ANKS1B: variants seen among roughly 807,000 people sequenced by gnomAD.
The protein encoded by ANKS1B is ankyrin repeat and sterile alpha motif domain containing 1B.
A neutral mutation model predicts 148.3 loss-of-function variants in ANKS1B; 36 were observed. The observed-to-expected ratio is 0.24, with a 90% CI of 0.19 to 0.32. ANKS1B has a LOEUF of 0.32. Among genes scored for constraint, ANKS1B ranks in the 10% least tolerant of loss-of-function variants. ANKS1B has a pLI of 1.00. For synonymous variants in ANKS1B, 542 were observed against 560.8 expected, an observed-to-expected ratio of 0.97 and a Z score of 0.47; for missense variants, 1,157 against 1,542.6, an observed-to-expected ratio of 0.75 and a Z score of 4.19.
intron 13 of ANKS1B, 115 bp downstream of exon 13, chr12:99,246,160 C>T (rs902346446): frequency 8.1e-6 from 6 of 736,562 alleles, no homozygotes; most frequent in Middle Eastern, 4.8e-4. Flanking sequence ...CAGTTGGAGC[C>T]GTATGCTTTT....
At chr12:99,894,329 G>GAGGGAGGGAGAGAAAGAAAAGAAAAGA (rs1196013915) in intron 1 of ANKS1B, among the ~76,000 whole-genome samples, 1 of 78,078 alleles carries the variant, frequency 1.3e-5, no homozygotes, top group Non-Finnish European at 2.7e-5. Context: ...GGGAGGGAGG[G>GAGGGAGGGAGAGAAAGAAAAGAAAAGA]AAAGAAAAGA....
chr12:98,919,678 A>C (rs1197279650), intron 17 of ANKS1B, among the ~76,000 whole-genome samples: 2 of 152,124 alleles, frequency 1.3e-5, no homozygotes, highest in African/African-American at 4.8e-5. Context: ...TTTGTGAGGA[A>C]TTTTTCTTTT....
intron 8 of ANKS1B, among the ~76,000 whole-genome samples, chr12:99,753,223 C>T (rs1309885191): frequency 6.6e-6 from 1 of 152,054 alleles, no homozygotes; most frequent in African/African-American, 2.4e-5. Context: ...TAAAGAAAGA[C>T]TTGAACTACA....
intron 9 of ANKS1B, among the ~76,000 whole-genome samples, chr12:99,577,075 G>A (rs2097526318): frequency 6.6e-6 from 1 of 151,878 alleles, no homozygotes; most frequent in Admixed American, 6.6e-5. Flanking sequence ...CAGGAATTTT[G>A]TAGAGGGGAG....
At chr12:99,524,622 C>G (rs1347046649) in intron 9 of ANKS1B, among the ~76,000 whole-genome samples, 1 of 152,108 alleles carries the variant, frequency 6.6e-6, no homozygotes, top group Non-Finnish European at 1.5e-5. Context: ...AAGACATACC[C>G]AAGACTGGGT....
intron 2 of ANKS1B, among the ~76,000 whole-genome samples, chr12:99,820,182 G>A (rs1213527687): frequency 6.6e-6 from 1 of 151,800 alleles, no homozygotes; most frequent in Non-Finnish European, 1.5e-5. Flanking sequence ...AATAACCCAA[G>A]AAATCACCAG....
chr12:99,059,697 G>A (rs1327587368), intron 16 of ANKS1B, among the ~76,000 whole-genome samples: 1 of 149,660 alleles, frequency 6.7e-6, no homozygotes, highest in Non-Finnish European at 1.5e-5. Flanking sequence ...CCTAAATTTT[G>A]CAATTCCATG....
chr12:98,739,889 C>T (rs949756462), downstream of ANKS1B, among the ~76,000 whole-genome samples: 1 of 152,160 alleles, frequency 6.6e-6, no homozygotes, highest in Non-Finnish European at 1.5e-5. Flanking sequence ...TGCTTCTGCT[C>T]CATGGCAGAC....
chr12:99,190,366 A>C (rs1040054289), intron 14 of ANKS1B, among the ~76,000 whole-genome samples: 1 of 152,334 alleles, frequency 6.6e-6, no homozygotes, highest in South Asian at 2.1e-4. Flanking sequence ...TGGAACCAAA[A>C]AAGAGCCCAT....
intron 11 of ANKS1B, among the ~76,000 whole-genome samples, chr12:99,440,970 A>C (rs1404279477): frequency 6.6e-6 from 1 of 151,892 alleles, no homozygotes; most frequent in Non-Finnish European, 1.5e-5. Flanking sequence ...CACATCAGCT[A>C]ATGGTCAAAG....
intron 1 of ANKS1B, among the ~76,000 whole-genome samples, chr12:99,854,572 G>GATC (rs1291600776): frequency 6.6e-6 from 1 of 152,136 alleles, no homozygotes; most frequent in Non-Finnish European, 1.5e-5. Flanking sequence ...ATCGCAAAAA[G>GATC]ATCATCACGT....
chr12:99,126,975 C>A (rs573704179), intron 15 of ANKS1B, among the ~76,000 whole-genome samples: 1 of 151,760 alleles, frequency 6.6e-6, no homozygotes, highest in Non-Finnish European at 1.5e-5. Flanking sequence ...ATGATGGAAA[C>A]CTTGAATTTA....
At chr12:99,624,824 G>C (rs981561399) in intron 9 of ANKS1B, among the ~76,000 whole-genome samples, 1 of 152,004 alleles carries the variant, frequency 6.6e-6, no homozygotes, top group East Asian at 1.9e-4. Flanking sequence ...TGCCACTGTG[G>C]GAAACAGTTG....
At chr12:98,770,662 T>C (rs2153472745) in intron 25 of ANKS1B, among the ~76,000 whole-genome samples, 1 of 152,264 alleles carries the variant, frequency 6.6e-6, no homozygotes, top group East Asian at 1.9e-4. Flanking sequence ...ATTTTCAATC[T>C]TTCTTTAAAA....
rs188428883 is a variant in ANKS1B, at chr12:99,683,101, C to T, written c.1129-27891G>A. Among the ~76,000 whole-genome samples the T allele has an allele frequency of 1.4e-3, 208 of 152,178 alleles. 1 individual carries two copies. Among genetic ancestry groups the T allele is most frequent in the African/African-American group, 4.3e-3 (178 of 41,534 alleles). ...AGGTCTCGTGAGACTTATACACTACCATGAGAACAGTATGAGAGAAACTGC... is the reference window on the plus strand; with the variant it reads ...AGGTCTCGTGAGACTTATACACTACTATGAGAACAGTATGAGAGAAACTGC... On this transcript the variant is annotated intron_variant, in intron 8 of 26. Coordinates refer to ENST00000683438, the MANE Select transcript of ANKS1B (RefSeq NM_001352186.2).
intron 16 of ANKS1B, among the ~76,000 whole-genome samples, chr12:99,055,195 G>A (rs2099968758): frequency 6.6e-6 from 1 of 151,872 alleles, no homozygotes; most frequent in Admixed American, 6.6e-5. Flanking sequence ...TCCAGGCCTC[G>A]TTAAAAGGTG....
intron 15 of ANKS1B, among the ~76,000 whole-genome samples, chr12:99,094,882 G>A (rs1291374958): frequency 3.9e-5 from 6 of 152,238 alleles, no homozygotes; most frequent in Middle Eastern, 3.4e-3. Flanking sequence ...CTCTGGATTC[G>A]GTGTGGAGAA....
intron 8 of ANKS1B, among the ~76,000 whole-genome samples, chr12:99,753,880 G>A (rs956149894): frequency 2.6e-4 from 40 of 151,966 alleles, no homozygotes; most frequent in African/African-American, 7.0e-4. Flanking sequence ...AAAATCAGCC[G>A]GGCATGGTGC....
intron 1 of ANKS1B, among the ~76,000 whole-genome samples, chr12:99,871,169 A>C (rs1387727310): frequency 2.0e-5 from 3 of 152,184 alleles, no homozygotes; most frequent in African/African-American, 7.2e-5. Context: ...TATTTGTTGA[A>C]TAGGGAGTCC....
Sources: allele counts gnomAD v4.1 joint callset (sites outside exome capture counted in the v4.1 genomes callset), GRCh38; gene constraint gnomAD v4.1.1; transcripts MANE v1.5; gene names NCBI Gene and HGNC (gene_info 2026-07-23, HGNC 2026-07-21).